Variants in NRXN1 observed in about 807,000 individuals in gnomAD.
NRXN1 encodes neurexin 1.
In NRXN1, 39 loss-of-function variants were observed where a neutral mutation model predicts 150.9. That is an observed-to-expected ratio of 0.26 (90% confidence interval 0.20 to 0.34). NRXN1 has a LOEUF of 0.34. Among genes scored for constraint, NRXN1 ranks in the 10% least tolerant of loss-of-function variants. The probability of loss-of-function intolerance (pLI) is 1.00; values close to 1 mark genes in which losing one functional copy is unlikely to be tolerated. For synonymous variants in NRXN1, 924 were observed against 757.0 expected (o/e 1.22, Z -3.62); for missense variants, 1,815 against 1,949.9 (o/e 0.93, Z 1.30).
intron 18 of NRXN1, among the ~76,000 whole-genome samples, chr2:50,176,868 G>A (rs148979606): frequency 6.6e-6 from 1 of 152,112 alleles, no homozygotes; most frequent in Non-Finnish European, 1.5e-5. Context: ...AAGACATACA[G>A]GTTGCTTTCA....
At chr2:50,135,369 A>G (rs1163327286) in intron 18 of NRXN1, among the ~76,000 whole-genome samples, 1 of 152,206 alleles carries the variant, frequency 6.6e-6, no homozygotes, top group African/African-American at 2.4e-5. Context: ...CAGAAAAACA[A>G]TTATTAAGTC....
At chr2:50,791,335 C>T (rs1177464881) in intron 5 of NRXN1, among the ~76,000 whole-genome samples, 3 of 106,182 alleles carry the variant, frequency 2.8e-5, no homozygotes, top group Admixed American at 9.6e-5. Context: ...AAAAAAAAAT[C>T]CTTAGCTTTG....
chr2:50,635,897 T>G (rs1004884144), intron 5 of NRXN1, among the ~76,000 whole-genome samples: 1 of 152,172 alleles, frequency 6.6e-6, no homozygotes, highest in Non-Finnish European at 1.5e-5. Flanking sequence ...ATTCTTTTCT[T>G]TCAGAAGGTT....
At chr2:50,123,160 C>T (rs1387956347) in intron 18 of NRXN1, among the ~76,000 whole-genome samples, 1 of 152,174 alleles carries the variant, frequency 6.6e-6, no homozygotes, top group African/African-American at 2.4e-5. Context: ...CTCTGCCCTC[C>T]TGTAGCTTTA....
intron 19 of NRXN1, among the ~76,000 whole-genome samples, chr2:50,068,897 C>T (rs1330797074): frequency 2.0e-5 from 3 of 152,146 alleles, no homozygotes; most frequent in Non-Finnish European, 2.9e-5. Flanking sequence ...ATATCCCGAA[C>T]GTAGGTGCTT....
chr2:50,788,592 TGAGA>T (rs943651194), intron 5 of NRXN1, among the ~76,000 whole-genome samples: 8 of 151,408 alleles, frequency 5.3e-5, no homozygotes, highest in African/African-American at 7.3e-5. Flanking sequence ...CATGTGCGTG[TGAGA>T]GAGAGAGACA....
At chr2:50,116,335 C>G (rs905897249) in intron 18 of NRXN1, among the ~76,000 whole-genome samples, 1 of 151,990 alleles carries the variant, frequency 6.6e-6, no homozygotes, top group Non-Finnish European at 1.5e-5. Flanking sequence ...AGAGATACAA[C>G]CTGAAGTGTT....
intron 17 of NRXN1, among the ~76,000 whole-genome samples, chr2:50,253,217 A>T (rs12713094): frequency 0.41 from 62,550 of 151,690 alleles, 13,089 homozygotes; most frequent in Middle Eastern, 0.45. Context: ...CTCCTTGTCT[A>T]TTGGTGGTGT....
At chr2:50,037,794 C>G (rs1007374530) in intron 21 of NRXN1, among the ~76,000 whole-genome samples, 1 of 152,126 alleles carries the variant, frequency 6.6e-6, no homozygotes, top group African/African-American at 2.4e-5. Context: ...AGTGCAATAC[C>G]ATAAATACTC....
At chr2:50,200,746 G>A (rs965833013) in intron 18 of NRXN1, among the ~76,000 whole-genome samples, 1 of 152,108 alleles carries the variant, frequency 6.6e-6, no homozygotes, top group Non-Finnish European at 1.5e-5. Context: ...AAATTTTAGT[G>A]CACTGAGTTA....
intron 5 of NRXN1, among the ~76,000 whole-genome samples, chr2:50,768,007 C>G (rs1038659191): frequency 6.6e-6 from 1 of 152,084 alleles, no homozygotes; most frequent in African/African-American, 2.4e-5. Context: ...TTATCATATT[C>G]TGCATTTGTT....
At chr2:50,710,429 T>C (rs994098383) in intron 5 of NRXN1, among the ~76,000 whole-genome samples, 1 of 152,188 alleles carries the variant, frequency 6.6e-6, no homozygotes. Flanking sequence ...CCCACCTCTA[T>C]GCACAGAGAG....
chr2:50,067,306 T>G (rs1695516367), intron 19 of NRXN1, among the ~76,000 whole-genome samples: 1 of 152,212 alleles, frequency 6.6e-6, no homozygotes, highest in Non-Finnish European at 1.5e-5. Flanking sequence ...TACACAAAGA[T>G]TTGTACAAGC....
intron 8 of NRXN1, among the ~76,000 whole-genome samples, chr2:50,593,308 C>G (rs1030374406): frequency 2.0e-5 from 3 of 152,130 alleles, no homozygotes; most frequent in African/African-American, 7.2e-5. Flanking sequence ...TCTGCATTGA[C>G]AAATGAATTG....
chr2:50,661,188 T>C (rs1355871317), intron 5 of NRXN1, among the ~76,000 whole-genome samples: 1 of 151,978 alleles, frequency 6.6e-6, no homozygotes, highest in Non-Finnish European at 1.5e-5. Context: ...TCACAGCAAA[T>C]GGTGACAATT....
At chr2:50,178,363 T>C (rs2060479694) in intron 18 of NRXN1, among the ~76,000 whole-genome samples, 1 of 152,010 alleles carries the variant, frequency 6.6e-6, no homozygotes, top group African/African-American at 2.4e-5. Flanking sequence ...AACTTGTCCT[T>C]GGTATCTCAC....
chr2:50,535,798 C>T (rs746787709), intron 10 of NRXN1, among the ~76,000 whole-genome samples: 2 of 152,142 alleles, frequency 1.3e-5, no homozygotes, highest in Non-Finnish European at 1.5e-5. Context: ...TGATAAACAT[C>T]TCCTATAATG....
At chr2:50,578,964 T>G (rs1287211298) in intron 8 of NRXN1, among the ~76,000 whole-genome samples, 1 of 152,168 alleles carries the variant, frequency 6.6e-6, no homozygotes, top group Admixed American at 6.5e-5. Flanking sequence ...TTAGATACCA[T>G]GTAACCATCA....
In NRXN1 at chr2:50,347,314, G is replaced by A; in HGVS notation, c.3365-110344C>T. 7.9e-7 allele frequency: 1 copy of A among 1,260,434 alleles called. No individual in the cohort carries two copies. The highest frequency in any genetic ancestry group is 1.0e-6 in the Non-Finnish European group (1 of 976,666). The allele number at this position is 1,260,434 out of a possible 1,614,324, so 78.1% of individuals were successfully genotyped here. A position where few individuals can be genotyped will look rare whatever the true frequency, so the allele number is the denominator to read the frequency against. On this transcript the variant is annotated intron_variant, in intron 17 of 22. Coordinates refer to ENST00000401669, the MANE Select transcript of NRXN1 (RefSeq NM_001330078.2). This position sits in a 1 kb window ranked among gnomAD's most constrained non-coding sequence, Gnocchi z 4.9. ...GGCGAGAGTGCGTGCCGGCGGGTGG[G>A]GGGCCGAGAAATTGTTTAAAGCTCC... is the stretch of plus-strand genomic sequence containing the variant.
Sources: gnomAD v4.1 joint callset for allele counts (sites outside exome capture counted in the v4.1 genomes callset) on GRCh38, gnomAD v4.1.1 for gene constraint, Gnocchi (gnomAD v3.1) non-coding constraint, MANE v1.5 for transcripts, NCBI Gene and HGNC (gene_info 2026-07-23, HGNC 2026-07-21) for gene names.